STKLD1: variants seen among roughly 807,000 people sequenced by gnomAD.
The protein encoded by STKLD1 is serine/threonine kinase like domain containing 1.
In STKLD1, 79 loss-of-function variants were observed where a neutral mutation model predicts 80.4. The ratio of observed to expected loss-of-function variants is 0.98; its 90% CI spans 0.82 to 1.19. The LOEUF (loss-of-function observed/expected upper bound fraction) is 1.19, where lower values mean the gene tolerates loss of function less well. Among genes scored for constraint, STKLD1 ranks in the 50% most tolerant of loss-of-function variants. The pLI is 0.00. For synonymous variants in STKLD1, 393 were observed against 357.6 expected (o/e 1.10, Z -1.12); for missense variants, 841 against 856.0 (o/e 0.98, Z 0.22).
At chr9:133,393,838 A>T in intron 7 of STKLD1, 1 of 159,358 alleles carries the variant, frequency 6.3e-6, no homozygotes, top group Non-Finnish European at 1.4e-5. Flanking sequence ...TGATGGACTC[A>T]GAGGAGTCTG....
intron 1 of STKLD1, among the ~76,000 whole-genome samples, chr9:133,377,244 G>T (rs1017430324): frequency 1.3e-5 from 2 of 152,028 alleles, no homozygotes; most frequent in South Asian, 4.1e-4. Flanking sequence ...GACGTTTCAG[G>T]AATATACCTG....
In STKLD1 at chr9:133,387,482, C is replaced by T. The variant is rs1404564056; in HGVS notation, c.330C>T (p.Phe110=). The change falls in exon 5 of 18, where the codon TTC becomes TTT. Residue 110 remains phenylalanine (F), a synonymous_variant. Transcript: ENST00000371957. ...SSLYLCLVME[F]NELSFQEVIE... ...TGTACCTCTGCCTGGTGATGGAGTT[C>T]AATGAGCTCAGCTTCCAGGAGGTCA... The T allele has an allele frequency of 6.2e-7, 1 of 1,613,930 alleles. No homozygotes were observed. Among genetic ancestry groups the T allele is most frequent in the African/African-American group, 1.3e-5 (1 of 74,918 alleles).
intron 17 of STKLD1, 96 bp downstream of exon 17, chr9:133,405,025 G>A (rs1646202829): frequency 2.6e-6 from 4 of 1,516,718 alleles, no homozygotes; most frequent in African/African-American, 2.8e-5. Flanking sequence ...CATGGAAGGT[G>A]GGCTCAACCC....
Position 133,390,194 on chromosome 9 carries a change from AACACACACACACACAC to A in STKLD1, c.468-444_468-429del, listed in dbSNP as rs71378573. 0.037 allele frequency among the ~76,000 whole-genome samples: 4,546 copies of A among 123,456 alleles called. 112 individuals are homozygous for A. The highest frequency in any genetic ancestry group is 0.047 in the Non-Finnish European group (2,832 of 59,724). 81.0% of individuals were successfully genotyped at this position (123,456 alleles called of 152,430 possible). A position where few individuals can be genotyped will look rare whatever the true frequency, so the allele number is the denominator to read the frequency against. ...TTCAGCCTGGGCAACCCTGACTTAAAACACACACACACACACACACACACACACACACACACACACA... is the reference window on the plus strand; with the variant it reads ...TTCAGCCTGGGCAACCCTGACTTAAAACACACACACACACACACACACACA... On this transcript the variant is annotated intron_variant, in intron 6 of 17. Coordinates refer to ENST00000371957, the MANE Select transcript of STKLD1 (RefSeq NM_153710.5). The surrounding 1 kb of genome is among the most constrained non-coding windows in gnomAD (Gnocchi z 5.1).
chr9:133,397,265 T>A lies in STKLD1; in HGVS notation c.968T>A (p.Leu323Gln). 1 of 1,613,782 alleles carries A rather than the reference T, an allele frequency of 6.2e-7. No individual in the cohort carries two copies. Among genetic ancestry groups the A allele is most frequent in the Non-Finnish European group, 8.5e-7 (1 of 1,180,010 alleles). ...GTGCCTGCGTCCATCACCGACATGC[T>A]GTTAGAAGGCAACGTGGCCAGCATT... ...QMVPASITDM[L>Q]LEGNVASILE... Residue 323 changes from leucine (L) to glutamine (Q), a missense_variant, in exon 10 of 18, where the codon CTG becomes CAG. Coordinates refer to ENST00000371957, the MANE Select transcript of STKLD1 (RefSeq NM_153710.5).
chr9:133,394,262 CA>C lies in STKLD1; in HGVS notation c.584-28del, dbSNP rs1838498902. The C allele has an allele frequency of 2.0e-6, 3 of 1,504,954 alleles. No individual in the cohort carries two copies. The highest frequency in any genetic ancestry group is 1.7e-5 in the Admixed American group (1 of 59,870). The allele number at this position is 1,504,954 out of a possible 1,614,324, so 93.2% of individuals were successfully genotyped here. On this transcript the variant is annotated intron_variant, in intron 7 of 17. Coordinates refer to ENST00000371957, the MANE Select transcript of STKLD1 (RefSeq NM_153710.5). The surrounding 1 kb of genome is among the most constrained non-coding windows in gnomAD (Gnocchi z 4.9). Reference sequence around the variant, plus strand: ...CCCTGCCCCCAGGGAGCAAAGGACTCAGGGATCCCACCTTGCTTTTACCAAC... The same window carrying C: ...CCCTGCCCCCAGGGAGCAAAGGACTCGGGATCCCACCTTGCTTTTACCAAC...
In STKLD1 at chr9:133,403,949, G is replaced by C. The variant is rs782700338; in HGVS notation, c.1633G>C (p.Val545Leu). ...CATCAAGGAGCAGCAGTTTGAACAA[G>C]TGGTGGCGCTGCTCCTGCAAAGCAT... The part of the protein sequence containing the change: ...GCIKEQQFEQ[V>L]VALLLQSIRL... Residue 545 changes from valine (V) to leucine (L), a missense_variant, in exon 16 of 18, where the codon GTG becomes CTG. Transcript: ENST00000371957. The C allele has an allele frequency of 1.9e-6, 3 of 1,609,888 alleles. No homozygotes were observed. The highest frequency in any genetic ancestry group is 2.5e-6 in the Non-Finnish European group (3 of 1,177,882).
At chr9:133,391,308 C>A (rs1838391910) in intron 7 of STKLD1, among the ~76,000 whole-genome samples, 1 of 148,514 alleles carries the variant, frequency 6.7e-6, no homozygotes, top group African/African-American at 2.5e-5. Context: ...TGCCCGGCCG[C>A]CCCTACTGGG....
chr9:133,401,095 G>A (rs1554777530), intron 12 of STKLD1, among the ~76,000 whole-genome samples: 1 of 151,626 alleles, frequency 6.6e-6, no homozygotes, highest in Non-Finnish European at 1.5e-5. Context: ...TGTTAAAAGA[G>A]TTGAATTAGC....
Position 133,389,232 on chromosome 9 carries a change from G to A in STKLD1, c.397-294G>A. 1 of 985,396 alleles carries A rather than the reference G, an allele frequency of 1.0e-6. No individual in the cohort carries two copies. Among genetic ancestry groups the A allele is most frequent in the Non-Finnish European group, 1.2e-6 (1 of 829,916 alleles). The allele number at this position is 985,396 out of a possible 1,614,324, so 61.0% of individuals were successfully genotyped here. On this transcript the variant is annotated intron_variant, in intron 5 of 17. Coordinates refer to ENST00000371957, the MANE Select transcript of STKLD1 (RefSeq NM_153710.5). The surrounding 1 kb of genome is among the most constrained non-coding windows in gnomAD (Gnocchi z 6.4). ...CTCCCAGCAAGTGTGGGGCAGCGCG[G>A]GCCACAGAGTAGGGTGCAGGGATGG...
Position 133,401,739 on chromosome 9 carries a change from G to C in STKLD1, c.1200G>C (p.Ala400=), listed in dbSNP as rs939475639. 2.5e-6 allele frequency: 4 copies of C among 1,611,564 alleles called. No individual in the cohort carries two copies. The highest frequency in any genetic ancestry group is 3.4e-6 in the Non-Finnish European group (4 of 1,179,608). Residue 400 remains alanine, a splice_region_variant and synonymous_variant, in exon 13 of 18, where the codon GCG becomes GCC. Transcript: ENST00000371957. ...CSLLLHLLGQ[A]LVHHPEAKAP... Reference sequence around the variant, plus strand: ...GGCGTCTTCCTCTGGCTTGAGCAGCGCTGGTGCACCACCCGGAAGCCAAGG... The same window carrying C: ...GGCGTCTTCCTCTGGCTTGAGCAGCCCTGGTGCACCACCCGGAAGCCAAGG...
chr9:133,395,757 C>T lies in STKLD1; in HGVS notation c.860C>T (p.Thr287Met), dbSNP rs782470218. Residue 287 changes from threonine to methionine, a missense_variant, in exon 9 of 18, where the codon ACG becomes ATG. Thr to Met is a moderately conservative substitution (Grantham distance 81). Coordinates refer to ENST00000371957, the MANE Select transcript of STKLD1 (RefSeq NM_153710.5). Reference protein sequence around the residue: ...MLQIDPSDRITIKDVVHITFL... With the variant: ...MLQIDPSDRIMIKDVVHITFL... ...CAGATCGACCCCTCGGATCGAATAA[C>T]GATAAAGTGAGCTCAGGGTCGGGGT... The T allele has an allele frequency of 3.8e-5, 61 of 1,613,156 alleles. No individual in the cohort carries two copies. Among genetic ancestry groups the T allele is most frequent in the Non-Finnish European group, 4.4e-5 (52 of 1,179,906 alleles).
intron 9 of STKLD1, among the ~76,000 whole-genome samples, chr9:133,396,575 G>A (rs782173475): frequency 2.3e-4 from 35 of 152,020 alleles, no homozygotes; most frequent in South Asian, 1.2e-3. Context: ...CCAACAGAGC[G>A]AAACCCCGTC....
chr9:133,389,561 G>T lies in STKLD1; in HGVS notation c.432G>T (p.Ala144=). ...MQNVLGQVLD[A]LEYLHHLDII... ...ATGTGCTGGGCCAGGTGCTGGACGCGCTGGAATACCTGCACCATTTGGACA... is the reference window on the plus strand; with the variant it reads ...ATGTGCTGGGCCAGGTGCTGGACGCTCTGGAATACCTGCACCATTTGGACA... The change falls in exon 6 of 18, where the codon GCG becomes GCT. Residue 144 remains alanine (A), a synonymous_variant. Coordinates refer to ENST00000371957, the MANE Select transcript of STKLD1 (RefSeq NM_153710.5). This position sits in a 1 kb window ranked among gnomAD's most constrained non-coding sequence, Gnocchi z 6.4. The T allele has an allele frequency of 1.2e-6, 2 of 1,613,476 alleles. No homozygotes were observed. Among genetic ancestry groups the T allele is most frequent in the South Asian group, 1.1e-5 (1 of 91,074 alleles).
rs987668962 is a variant in STKLD1 at position 133,384,729 on chromosome 9, A to G, written c.219+829A>G. On this transcript the variant is annotated intron_variant, in intron 3 of 17. Coordinates refer to ENST00000371957, the MANE Select transcript of STKLD1 (RefSeq NM_153710.5). This position sits in a 1 kb window ranked among gnomAD's most constrained non-coding sequence, Gnocchi z 4.3. ...CACCCATACCAGAACTGTTTAACAA[A>G]ACAAATATAAATTACCCTTAATTCT... 1 of 152,106 alleles carries G rather than the reference A, an allele frequency of 6.6e-6. No individual in the cohort carries two copies. The highest frequency in any genetic ancestry group is 2.4e-5 in the African/African-American group (1 of 41,414). 9.4% of individuals were successfully genotyped at this position (152,106 alleles called of 1,614,324 possible).
rs1554777001 is a variant in STKLD1 at position 133,398,034 on chromosome 9, A to C, written c.1060A>C (p.Lys354Gln). 6.2e-7 allele frequency: 1 copy of C among 1,613,574 alleles called. No homozygotes were observed. ...GCTCAGGGCCATGAAGAGGCTTCTG[A>C]AAATGCCTGCAGATCAGCTAGGTAG... ...VQLRAMKRLL[K>Q]MPADQLGLPW... Residue 354 changes from lysine (K) to glutamine (Q), a missense_variant, in exon 11 of 18, where the codon AAA becomes CAA. Lys to Gln is a moderately conservative substitution (Grantham distance 53). Coordinates refer to ENST00000371957, the MANE Select transcript of STKLD1 (RefSeq NM_153710.5).
Position 133,405,801 on chromosome 9 carries a change from T to C in STKLD1, c.*380T>C, listed in dbSNP as rs1181986292. 1 of 165,572 alleles carries C rather than the reference T, an allele frequency of 6.0e-6. No individual in the cohort carries two copies. 10.3% of individuals were successfully genotyped at this position (165,572 alleles called of 1,614,324 possible). ...CCTCCCTCCACGTGTGCCCTCTCCC[T>C]GTCCTTCCTTTCCATGGGCCACTGT... On this transcript the variant is annotated 3_prime_UTR_variant, in exon 18 of 18. Transcript: ENST00000371957.
At position 133,397,190 on chromosome 9, in the gene STKLD1, G is replaced by A. The variant is rs782381281; in HGVS notation, c.893G>A (p.Arg298Lys). The change falls in exon 10 of 18, where the codon AGA becomes AAA. Residue 298 changes from arginine to lysine, a missense_variant. Arg to Lys is a conservative substitution (Grantham distance 26, BLOSUM62 2). Transcript: ENST00000371957. ...GACGTGGTGCACATCACCTTCTTGA[G>A]AGGCTCCTTCAAGTCCTCGTGCGTC... The part of the protein sequence containing the change: ...IKDVVHITFL[R>K]GSFKSSCVSL... 1 of 1,613,900 alleles carries A rather than the reference G, an allele frequency of 6.2e-7. No homozygotes were observed. The highest frequency in any genetic ancestry group is 1.3e-5 in the African/African-American group (1 of 74,916).
At chr9:133,396,950 T>G (rs992286785) in intron 9 of STKLD1, among the ~76,000 whole-genome samples, 4 of 152,252 alleles carry the variant, frequency 2.6e-5, no homozygotes, top group African/African-American at 9.6e-5. Flanking sequence ...CCTGCCTCCA[T>G]GGAGTACGTC....
Sources: allele counts gnomAD v4.1 joint callset (sites outside exome capture counted in the v4.1 genomes callset), GRCh38; gene constraint gnomAD v4.1.1; non-coding constraint Gnocchi (gnomAD v3.1); transcripts MANE v1.5; gene names NCBI Gene and HGNC (gene_info 2026-07-23, HGNC 2026-07-21).